Variants in LHPP observed in about 807,000 individuals in gnomAD.
LHPP encodes phospholysine phosphohistidine inorganic pyrophosphate phosphatase.
A neutral mutation model predicts 30.3 loss-of-function variants in LHPP; 24 were observed. The observed-to-expected ratio is 0.79, with a 90% CI of 0.57 to 1.11. The LOEUF (loss-of-function observed/expected upper bound fraction) is 1.11. Among genes scored for constraint, LHPP ranks in the 50% most tolerant of loss-of-function variants. The pLI is 0.00. For missense variants in LHPP, 356 were observed against 367.2 expected (o/e 0.97, Z 0.25); for synonymous variants, 150 against 157.1 (o/e 0.95, Z 0.34).
At chr10:124,570,817 C>T (rs1345021374) in intron 6 of LHPP, among the ~76,000 whole-genome samples, 1 of 152,206 alleles carries the variant, frequency 6.6e-6, no homozygotes, top group Non-Finnish European at 1.5e-5. Context: ...CTTTTTGTGG[C>T]TGAGTAATAT....
chr10:124,598,470 T>A (rs1388835001), intron 6 of LHPP, among the ~76,000 whole-genome samples: 1 of 152,186 alleles, frequency 6.6e-6, no homozygotes, highest in Admixed American at 6.5e-5. Flanking sequence ...GAGGTTCTAT[T>A]GATAACCCCA....
In LHPP at chr10:124,484,259, C is replaced by T; in HGVS notation, c.246C>T (p.Ala82=). 9 of 1,613,980 alleles carry T rather than the reference C, an allele frequency of 5.6e-6. No homozygotes were observed. The highest frequency in any genetic ancestry group is 7.6e-6 in the Non-Finnish European group (9 of 1,180,000). The change falls in exon 2 of 7, where the codon GCC becomes GCT. Residue 82 remains alanine, a synonymous_variant. Coordinates refer to ENST00000368842, the MANE Select transcript of LHPP (RefSeq NM_022126.4). ...GFDISEQEVT[A]PAPAACQILK... ...ACATCTCTGAGCAGGAGGTGACCGC[C>T]CCGGCACCAGCTGCCTGCCAGATCC...
intron 6 of LHPP, among the ~76,000 whole-genome samples, chr10:124,583,816 TG>T (rs1392206678): frequency 1.3e-5 from 2 of 152,206 alleles, no homozygotes; most frequent in Non-Finnish European, 2.9e-5. Flanking sequence ...ACGTGAGATT[TG>T]GGTGGGGACA....
intron 1 of LHPP, among the ~76,000 whole-genome samples, chr10:124,481,226 G>A (rs1784555591): frequency 6.7e-6 from 1 of 149,868 alleles, no homozygotes; most frequent in Non-Finnish European, 1.5e-5. Flanking sequence ...ACAGAGACAG[G>A]GCGGAGGCAA....
intron 6 of LHPP, among the ~76,000 whole-genome samples, chr10:124,551,366 GC>G: frequency 6.6e-6 from 1 of 152,110 alleles, no homozygotes; most frequent in Non-Finnish European, 1.5e-5. Context: ...GACACCATCA[GC>G]AAGTTTGGCA....
intron 6 of LHPP, among the ~76,000 whole-genome samples, chr10:124,550,698 G>A (rs970227395): frequency 2.6e-5 from 4 of 152,238 alleles, no homozygotes; most frequent in Non-Finnish European, 4.4e-5. Flanking sequence ...TGATCGTGGG[G>A]AAGATAGACT....
chr10:124,492,417 C>T (rs536833805), intron 3 of LHPP, among the ~76,000 whole-genome samples: 2 of 152,254 alleles, frequency 1.3e-5, no homozygotes, highest in East Asian at 3.9e-4. Flanking sequence ...CCAAAATCTG[C>T]AGGGCAGGGC....
At position 124,517,828 on chromosome 10, in the gene LHPP, G is replaced by C. The variant is rs2133911447; in HGVS notation, c.716+557G>C. Among the ~76,000 whole-genome samples, 1 of 152,362 alleles carries C rather than the reference G, an allele frequency of 6.6e-6. No individual in the cohort carries two copies. The highest frequency in any genetic ancestry group is 2.4e-5 in the African/African-American group (1 of 41,580). On this transcript the variant is annotated intron_variant, in intron 6 of 6. Coordinates refer to ENST00000368842, the MANE Select transcript of LHPP (RefSeq NM_022126.4). The surrounding 1 kb of genome is among the most constrained non-coding windows in gnomAD (Gnocchi z 4.1). ...CTGGAGCAGCTGTCAGGGGTTGGGA[G>C]CTCCCAGGCATGTGGAGGGCCCTGT...
At chr10:124,579,208 C>A (rs538455842) in intron 6 of LHPP, among the ~76,000 whole-genome samples, 2 of 152,240 alleles carry the variant, frequency 1.3e-5, no homozygotes, top group Non-Finnish European at 2.9e-5. Context: ...GCGTTCTGAG[C>A]GCCCTCTGAG....
intron 4 of LHPP, among the ~76,000 whole-genome samples, 154 bp downstream of exon 4, chr10:124,497,178 C>T (rs573624910): frequency 1.3e-5 from 2 of 150,262 alleles, no homozygotes; most frequent in Non-Finnish European, 1.5e-5. Flanking sequence ...CTCCCCTGGC[C>T]GGGCCCTCGG....
At chr10:124,469,078 G>C (rs1362500458) in intron 1 of LHPP, among the ~76,000 whole-genome samples, 1 of 152,210 alleles carries the variant, frequency 6.6e-6, no homozygotes, top group East Asian at 1.9e-4. Context: ...GAGTGGCCCT[G>C]CGCCTTTCAT....
chr10:124,480,731 T>C, intron 1 of LHPP, among the ~76,000 whole-genome samples: 1 of 152,252 alleles, frequency 6.6e-6, no homozygotes, highest in East Asian at 1.9e-4. Flanking sequence ...GTGTAATTGA[T>C]AATTCATAAA....
In LHPP at chr10:124,546,690, G is replaced by A. The variant is rs540594186; in HGVS notation, c.716+29419G>A. On this transcript the variant is annotated intron_variant, in intron 6 of 6. Coordinates refer to ENST00000368842, the MANE Select transcript of LHPP (RefSeq NM_022126.4). Reference sequence around the variant, plus strand: ...CTCCCAAAGTGCTGGAATTACAGGCGTGAGCCACCGCGCCCGCCTCATGCG... The same window carrying A: ...CTCCCAAAGTGCTGGAATTACAGGCATGAGCCACCGCGCCCGCCTCATGCG... 3.3e-5 allele frequency among the ~76,000 whole-genome samples: 5 copies of A among 152,114 alleles called. No homozygotes were observed. In the South Asian group the frequency reaches 6.3e-4, roughly 19 times the overall value.
chr10:124,611,532 GGTTCT>G (rs1451937973), intron 6 of LHPP, among the ~76,000 whole-genome samples: 1 of 150,530 alleles, frequency 6.6e-6, no homozygotes, highest in Non-Finnish European at 1.5e-5. Context: ...GGGGACAAGG[GGTTCT>G]GTCCTTGGGA....
chr10:124,521,857 G>A (rs1441940899), intron 6 of LHPP, among the ~76,000 whole-genome samples: 4 of 151,862 alleles, frequency 2.6e-5, no homozygotes, highest in African/African-American at 7.3e-5. Flanking sequence ...ACACGTGCAC[G>A]CACTTACACG....
chr10:124,589,957 C>T (rs1589699167), intron 6 of LHPP, among the ~76,000 whole-genome samples: 1 of 152,206 alleles, frequency 6.6e-6, no homozygotes, highest in African/African-American at 2.4e-5. Flanking sequence ...CTGCCAAATC[C>T]AGTTGTTTGA....
At chr10:124,566,069 G>T (rs1222167436) in intron 6 of LHPP, among the ~76,000 whole-genome samples, 1 of 152,230 alleles carries the variant, frequency 6.6e-6, no homozygotes, top group Non-Finnish European at 1.5e-5. Flanking sequence ...TGTTTGTTGT[G>T]GGCAGTTGCC....
At chr10:124,499,235 G>A (rs11245227) in intron 5 of LHPP, among the ~76,000 whole-genome samples, 2,645 of 151,970 alleles carry the variant, frequency 0.017, 75 homozygotes, top group East Asian at 0.099. Context: ...TGCCCAGGCT[G>A]GTTTTAAACT....
intron 1 of LHPP, 144 bp from the exon 2 acceptor site, chr10:124,483,995 C>CAGCCAGGACCCCCTCAG: frequency 1.5e-6 from 1 of 689,504 alleles, no homozygotes. Context: ...CATCCTGGAT[C>CAGCCAGGACCCCCTCAG]AGCCAGGACC....
Sources: allele counts gnomAD v4.1 joint callset (sites outside exome capture counted in the v4.1 genomes callset), GRCh38; gene constraint gnomAD v4.1.1; non-coding constraint Gnocchi (gnomAD v3.1); transcripts MANE v1.5; gene names NCBI Gene and HGNC (gene_info 2026-07-23, HGNC 2026-07-21).